Variants in THSD7B observed in about 807,000 individuals in gnomAD.
The protein encoded by THSD7B is thrombospondin type 1 domain containing 7B.
In THSD7B, 138 loss-of-function variants were observed where a neutral mutation model predicts 213.6. The observed-to-expected ratio is 0.65, with a 90% CI of 0.56 to 0.74. The LOEUF (loss-of-function observed/expected upper bound fraction) is 0.74. Ranked by LOEUF, THSD7B falls within the 30% of genes least tolerant of loss-of-function variation. The pLI is 0.00. For missense variants in THSD7B, 1,931 were observed against 1,991.5 expected, an observed-to-expected ratio of 0.97 and a Z score of 0.58; for synonymous variants, 742 against 687.0, an observed-to-expected ratio of 1.08 and a Z score of -1.25.
chr2:137,102,844 A>G (rs1688177679), intron 4 of THSD7B, among the ~76,000 whole-genome samples: 1 of 152,230 alleles, frequency 6.6e-6, no homozygotes, highest in Admixed American at 6.5e-5. Context: ...GAGAAAAAGC[A>G]TGAAAAGGAA....
Position 136,865,635 on chromosome 2 carries a change from T to C in THSD7B, c.-35-16509T>C, listed in dbSNP as rs182447246. 1.2e-3 allele frequency among the ~76,000 whole-genome samples: 183 copies of C among 152,316 alleles called. 1 individual carries two copies. The highest frequency in any genetic ancestry group is 1.7e-3 in the Non-Finnish European group (114 of 68,024). The stretch of plus-strand genomic sequence containing the variant: ...TTCATTTCTTCTTGTCCATGTGAGT[T>C]AGAAGATGCAAGAAAAGCTTGTCTA... On this transcript the variant is annotated intron_variant, in intron 1 of 27. Transcript: ENST00000409968.
intron 12 of THSD7B, among the ~76,000 whole-genome samples, chr2:137,393,716 G>A (rs1401204716): frequency 7.1e-6 from 1 of 140,826 alleles, no homozygotes; most frequent in African/African-American, 2.6e-5. Context: ...TCTAGCTCTA[G>A]ATCCCTGAGG....
chr2:136,867,754 G>T (rs1057489290), intron 1 of THSD7B, among the ~76,000 whole-genome samples: 1 of 152,088 alleles, frequency 6.6e-6, no homozygotes, highest in Non-Finnish European at 1.5e-5. Context: ...ACTTCTAAAT[G>T]TAAAATTTCC....
intron 1 of THSD7B, among the ~76,000 whole-genome samples, chr2:136,862,100 T>G (rs895946387): frequency 1.3e-5 from 2 of 152,224 alleles, no homozygotes; most frequent in African/African-American, 4.8e-5. Flanking sequence ...CTGCAATATA[T>G]TTTATGTAGT....
At chr2:136,867,094 G>A (rs552859662) in intron 1 of THSD7B, among the ~76,000 whole-genome samples, 16 of 152,308 alleles carry the variant, frequency 1.1e-4, no homozygotes, top group African/African-American at 3.4e-4. Flanking sequence ...ACAAGATGAA[G>A]AAAATTATGT....
At chr2:137,464,486 G>C (rs1305254622) in intron 15 of THSD7B, among the ~76,000 whole-genome samples, 1 of 152,100 alleles carries the variant, frequency 6.6e-6, no homozygotes, top group Non-Finnish European at 1.5e-5. Context: ...CTGGGAGGCT[G>C]TGCGAAACAC....
intron 7 of THSD7B, among the ~76,000 whole-genome samples, chr2:137,191,079 C>T (rs568690413): frequency 6.6e-6 from 1 of 152,236 alleles, no homozygotes; most frequent in African/African-American, 2.4e-5. Flanking sequence ...AGCAGGGTTT[C>T]TCTCATGAAG....
chr2:137,189,050 G>A (rs1446779442), intron 7 of THSD7B, among the ~76,000 whole-genome samples: 1 of 152,136 alleles, frequency 6.6e-6, no homozygotes, highest in African/African-American at 2.4e-5. Flanking sequence ...CAAGCCTAGA[G>A]CCACCATATT....
At chr2:136,926,094 A>G (rs2105040414) in intron 2 of THSD7B, among the ~76,000 whole-genome samples, 1 of 152,180 alleles carries the variant, frequency 6.6e-6, no homozygotes, top group South Asian at 2.1e-4. Flanking sequence ...ACAAACAACA[A>G]TAATTTGGCC....
At chr2:137,076,065 C>T (rs2104898428) in intron 3 of THSD7B, among the ~76,000 whole-genome samples, 1 of 152,332 alleles carries the variant, frequency 6.6e-6, no homozygotes, top group African/African-American at 2.4e-5. Flanking sequence ...TCTGCCCGTT[C>T]TCAGATCTCA....
chr2:137,390,273 A>G (rs1314177005), intron 12 of THSD7B, among the ~76,000 whole-genome samples: 1 of 151,916 alleles, frequency 6.6e-6, no homozygotes, highest in Non-Finnish European at 1.5e-5. Context: ...CCTTGGTTAA[A>G]TTTATTTTTA....
intron 21 of THSD7B, 45 bp downstream of exon 21, chr2:137,642,678 C>T (rs776822643): frequency 8.7e-6 from 14 of 1,601,316 alleles, no homozygotes; most frequent in Non-Finnish European, 1.2e-5. Flanking sequence ...TCAGTATATT[C>T]GAAGCACTTG....
intron 1 of THSD7B, among the ~76,000 whole-genome samples, chr2:136,841,219 G>A (rs769453206): frequency 3.3e-5 from 5 of 152,114 alleles, no homozygotes; most frequent in South Asian, 2.1e-4. Flanking sequence ...GTCTGACTCC[G>A]TAGTGTGCTT....
At chr2:137,251,374 CATTT>C (rs113000054) in intron 10 of THSD7B, among the ~76,000 whole-genome samples, 299 of 152,216 alleles carry the variant, frequency 2.0e-3, no homozygotes, top group African/African-American at 6.7e-3. Flanking sequence ...TTTGTTCATT[CATTT>C]GTCTGTCAGT....
intron 20 of THSD7B, 89 bp downstream of exon 20, chr2:137,620,815 G>C (rs1184406587): frequency 8.8e-7 from 1 of 1,133,770 alleles, no homozygotes; most frequent in East Asian, 2.4e-5. Context: ...CATAAGGTAT[G>C]GGACCCAGCT....
intron 20 of THSD7B, among the ~76,000 whole-genome samples, chr2:137,636,516 G>A (rs1027126920): frequency 6.6e-6 from 1 of 152,132 alleles, no homozygotes; most frequent in Non-Finnish European, 1.5e-5. Flanking sequence ...TATGCTAGTG[G>A]ATATTAGATA....
intron 10 of THSD7B, among the ~76,000 whole-genome samples, chr2:137,261,913 G>C (rs959271674): frequency 8.3e-6 from 1 of 119,792 alleles, no homozygotes; most frequent in African/African-American, 3.4e-5. Context: ...AGGAAAGTTT[G>C]TCAAAAAAAA....
intron 18 of THSD7B, among the ~76,000 whole-genome samples, chr2:137,617,480 T>C (rs1682428124): frequency 6.6e-6 from 1 of 152,248 alleles, no homozygotes; most frequent in Admixed American, 6.5e-5. Flanking sequence ...CTTTTTCTCA[T>C]GATAGAATAA....
intron 2 of THSD7B, among the ~76,000 whole-genome samples, chr2:136,999,660 C>T (rs1340245251): frequency 6.6e-6 from 1 of 151,698 alleles, no homozygotes; most frequent in Non-Finnish European, 1.5e-5. Flanking sequence ...CAACAAGCTG[C>T]TATGAATCTG....
Sources: allele counts gnomAD v4.1 joint callset (sites outside exome capture counted in the v4.1 genomes callset), GRCh38; gene constraint gnomAD v4.1.1; transcripts MANE v1.5; gene names NCBI Gene and HGNC (gene_info 2026-07-23, HGNC 2026-07-21).